Variants in ANKS1B observed in about 807,000 individuals in gnomAD.
ANKS1B encodes ankyrin repeat and sterile alpha motif domain containing 1B.
Under a neutral mutation model 148.3 loss-of-function variants are expected in ANKS1B, and 36 were observed. The ratio of observed to expected loss-of-function variants is 0.24; its 90% CI spans 0.19 to 0.32. ANKS1B has a LOEUF of 0.32. ANKS1B is among the 10% of genes least tolerant of loss of function. The pLI is 1.00. For missense variants in ANKS1B, 1,157 were observed against 1,542.6 expected (o/e 0.75, Z 4.19); for synonymous variants, 542 against 560.8 (o/e 0.97, Z 0.47).
intron 14 of ANKS1B, among the ~76,000 whole-genome samples, chr12:99,166,712 TC>T (rs965549805): frequency 2.0e-5 from 3 of 152,052 alleles, no homozygotes; most frequent in African/African-American, 7.2e-5. Flanking sequence ...TTCAATTTAA[TC>T]CTAATCAAAA....
Position 99,514,506 on chromosome 12 carries a change from G to A in ANKS1B, c.1273-9865C>T, listed in dbSNP as rs931018778. On this transcript the variant is annotated intron_variant, in intron 9 of 26. Transcript: ENST00000683438. ...TGAATACTATTTTATTTGCCCAGATGATTCTCATTTAGCCCTCACAACAAT... is the reference window on the plus strand; with the variant it reads ...TGAATACTATTTTATTTGCCCAGATAATTCTCATTTAGCCCTCACAACAAT... Among the ~76,000 whole-genome samples, 3 of 151,982 alleles carry A rather than the reference G, an allele frequency of 2.0e-5. No homozygotes were observed. In the South Asian group the frequency reaches 6.2e-4, roughly 31 times the overall value.
chr12:99,401,441 T>C (rs1402085029), intron 11 of ANKS1B, among the ~76,000 whole-genome samples: 3 of 146,550 alleles, frequency 2.0e-5, no homozygotes, highest in Non-Finnish European at 4.5e-5. Flanking sequence ...TCATAAATTT[T>C]ATAAAGGTCA....
intron 9 of ANKS1B, among the ~76,000 whole-genome samples, chr12:99,630,893 A>T (rs2098152677): frequency 6.6e-6 from 1 of 152,158 alleles, no homozygotes; most frequent in Non-Finnish European, 1.5e-5. Flanking sequence ...AGTTCCTACA[A>T]TTCCCATGTG....
At chr12:99,302,233 T>C (rs2081740647) in intron 12 of ANKS1B, among the ~76,000 whole-genome samples, 1 of 152,124 alleles carries the variant, frequency 6.6e-6, no homozygotes, top group Admixed American at 6.6e-5. Flanking sequence ...GACAAAAGAA[T>C]TGATTTACAG....
rs1306339355 is a variant in ANKS1B at position 99,731,193 on chromosome 12, A to T, written c.1128+41729T>A. On this transcript the variant is annotated intron_variant, in intron 8 of 26. Coordinates refer to ENST00000683438, the MANE Select transcript of ANKS1B (RefSeq NM_001352186.2). ...GAGTGCAGTGGCACGATCTCGGCTC[A>T]CCGCAACCTCCGCCTCCCAGGCTCA... Among the ~76,000 whole-genome samples the T allele has an allele frequency of 2.6e-5, 4 of 152,084 alleles. No individual in the cohort carries two copies. The South Asian group carries it at 6.2e-4, about 24-fold the overall frequency.
At chr12:99,869,656 G>A (rs2091234934) in intron 1 of ANKS1B, among the ~76,000 whole-genome samples, 1 of 151,230 alleles carries the variant, frequency 6.6e-6, no homozygotes, top group Non-Finnish European at 1.5e-5. Flanking sequence ...ACTCCAGCCT[G>A]GGCAACAAGA....
chr12:99,068,547 G>A (rs1400601486), intron 16 of ANKS1B, among the ~76,000 whole-genome samples: 2 of 152,102 alleles, frequency 1.3e-5, no homozygotes, highest in Non-Finnish European at 2.9e-5. Flanking sequence ...GTTTTTATAA[G>A]TTCTAGAAAA....
intron 10 of ANKS1B, among the ~76,000 whole-genome samples, chr12:99,465,357 A>T (rs1198113168): frequency 1.3e-5 from 2 of 152,232 alleles, no homozygotes; most frequent in African/African-American, 2.4e-5. Context: ...TGTAAAGACC[A>T]TCGAGGCTAG....
intron 12 of ANKS1B, among the ~76,000 whole-genome samples, chr12:99,364,706 A>G (rs1042761153): frequency 1.3e-5 from 2 of 152,220 alleles, no homozygotes; most frequent in African/African-American, 2.4e-5. Context: ...TTTTCTGGTC[A>G]TGTTTTTACT....
intron 8 of ANKS1B, among the ~76,000 whole-genome samples, chr12:99,677,253 C>G (rs1567622809): frequency 6.6e-6 from 1 of 152,150 alleles, no homozygotes; most frequent in Non-Finnish European, 1.5e-5. Context: ...GAGGTGTGAT[C>G]AGGAGGGCCA....
intron 8 of ANKS1B, among the ~76,000 whole-genome samples, chr12:99,658,914 A>C (rs2098462832): frequency 6.6e-6 from 1 of 152,214 alleles, no homozygotes; most frequent in African/African-American, 2.4e-5. Context: ...ACATTGCCTT[A>C]TTCACATTGT....
chr12:98,962,389 T>C (rs186342005), intron 17 of ANKS1B, among the ~76,000 whole-genome samples: 127 of 138,476 alleles, frequency 9.2e-4, no homozygotes, highest in Non-Finnish European at 1.5e-3. Context: ...ATATAACAAT[T>C]ATATATATAT....
chr12:99,410,976 CT>C (rs1386332084), intron 11 of ANKS1B, among the ~76,000 whole-genome samples: 3 of 152,234 alleles, frequency 2.0e-5, no homozygotes, highest in Non-Finnish European at 4.4e-5. Context: ...GTAAGTGCAT[CT>C]GACCTTGACC....
chr12:99,460,091 C>A (rs1362456103), intron 10 of ANKS1B, among the ~76,000 whole-genome samples: 1 of 151,208 alleles, frequency 6.6e-6, no homozygotes, highest in African/African-American at 2.4e-5. Context: ...AATCCAGAAC[C>A]CAGAACCCAT....
At position 99,744,991 on chromosome 12, in the gene ANKS1B, CAAAAAAAAAAA is replaced by C. The variant is rs55904412; in HGVS notation, c.1128+27920_1128+27930del. ...TAGGTGACAGAGTGAGACTCTGTCTCAAAAAAAAAAAAAAAAAAAAAAAAAATCAGTAGTAT... is the reference window on the plus strand; with the variant it reads ...TAGGTGACAGAGTGAGACTCTGTCTCAAAAAAAAAAAAAAATCAGTAGTAT... On this transcript the variant is annotated intron_variant, in intron 8 of 26. Transcript: ENST00000683438. 3.1e-4 allele frequency among the ~76,000 whole-genome samples: 16 copies of C among 52,080 alleles called. No individual in the cohort carries two copies. The Admixed American group carries it at 3.9e-3, about 13-fold the overall frequency. The allele number at this position is 52,080 out of a possible 152,430, so 34.2% of individuals were successfully genotyped here. A position where few individuals can be genotyped will look rare whatever the true frequency, so the allele number is the denominator to read the frequency against.
intron 9 of ANKS1B, among the ~76,000 whole-genome samples, chr12:99,610,438 C>T (rs946631053): frequency 2.6e-5 from 4 of 152,078 alleles, no homozygotes; most frequent in East Asian, 1.9e-4. Flanking sequence ...AATTTCTTTA[C>T]AGCCAGCCTC....
chr12:99,082,811 T>C (rs1243474043), intron 16 of ANKS1B, among the ~76,000 whole-genome samples: 1 of 152,150 alleles, frequency 6.6e-6, no homozygotes, highest in Non-Finnish European at 1.5e-5. Context: ...TGAGTTGAAC[T>C]TTAAATGAAT....
intron 14 of ANKS1B, among the ~76,000 whole-genome samples, chr12:99,217,914 A>C (rs1052150816): frequency 1.1e-4 from 17 of 152,322 alleles, no homozygotes; most frequent in African/African-American, 3.8e-4. Flanking sequence ...TCATCTAGTA[A>C]GTAATGAATC....
chr12:98,998,579 T>C (rs2099931071), intron 17 of ANKS1B, among the ~76,000 whole-genome samples: 1 of 152,190 alleles, frequency 6.6e-6, no homozygotes, highest in African/African-American at 2.4e-5. Flanking sequence ...AAAATGGTGG[T>C]CTATGTGCCA....
Sources: gnomAD v4.1 joint callset for allele counts (sites outside exome capture counted in the v4.1 genomes callset) on GRCh38, gnomAD v4.1.1 for gene constraint, MANE v1.5 for transcripts, NCBI Gene and HGNC (gene_info 2026-07-23, HGNC 2026-07-21) for gene names.